Variants in MTRR observed in about 807,000 individuals in gnomAD.
The protein encoded by MTRR is methionine synthase reductase.
Under a neutral mutation model 79.2 loss-of-function variants are expected in MTRR, and 63 were observed. The observed-to-expected ratio is 0.80, with a 90% CI of 0.65 to 0.98. The LOEUF (loss-of-function observed/expected upper bound fraction) is 0.98, where lower values mean the gene tolerates loss of function less well. Ranked by LOEUF, MTRR falls within the 50% of genes least tolerant of loss-of-function variation. MTRR has a pLI of 0.00. For missense variants in MTRR, 895 were observed against 839.6 expected, an observed-to-expected ratio of 1.07 and a Z score of -0.82; for synonymous variants, 355 against 313.3, an observed-to-expected ratio of 1.13 and a Z score of -1.41.
Position 7,889,193 on chromosome 5 carries a change from CT to C in MTRR, c.1248del (p.Phe416LeufsTer126). 1.2e-6 allele frequency: 2 copies of C among 1,613,982 alleles called. No homozygotes were observed. Among genetic ancestry groups the C allele is most frequent in the Non-Finnish European group, 1.7e-6 (2 of 1,180,016 alleles). ...SKQGAADYSR[F>X]VRDACACLLD... ...AACAAGGGGCAGCCGATTATAGCCG[CT>C]TTGTACGAGATGCCTGTGCCTGCTT... On this transcript the variant is annotated frameshift_variant, in exon 9 of 15. Coordinates refer to ENST00000440940, the MANE Select transcript of MTRR (RefSeq NM_002454.3). LOFTEE classifies it high-confidence loss of function.
intron 1 of MTRR, chr5:7,859,547 G>T (rs780840826): frequency 1.9e-6 from 3 of 1,549,176 alleles, no homozygotes; most frequent in South Asian, 2.3e-5. Flanking sequence ...GATCTGTAAA[G>T]GTAGAAAAGT....
intron 11 of MTRR, among the ~76,000 whole-genome samples, chr5:7,893,829 G>A (rs1227242394): frequency 4.6e-5 from 7 of 152,126 alleles, no homozygotes; most frequent in African/African-American, 1.4e-4. Context: ...TGAAATTGCC[G>A]TTTAACTTGA....
At chr5:7,865,674 G>C (rs371226680), upstream of MTRR, among the ~76,000 whole-genome samples, 3 of 152,242 alleles carry the variant, frequency 2.0e-5, no homozygotes, top group African/African-American at 7.2e-5. Context: ...TGCAGCACTT[G>C]ATAAAACCTC....
rs1029626220 is a variant in MTRR, at chr5:7,861,889, G to A, written n.392-62G>A. ...TCAATAACGCTAAACCACAGAATGG[G>A]TTCTGAAGTTATCTGGGGTATGACA... On this transcript the variant is annotated intron_variant and non_coding_transcript_variant, in intron 1 of 3. Transcript: ENST00000502509. The A allele has an allele frequency of 4.0e-5, 27 of 675,874 alleles. No individual in the cohort carries two copies. The Admixed American group carries it at 4.9e-4, about 12-fold the overall frequency. The allele number at this position is 675,874 out of a possible 1,614,324, so 41.9% of individuals were successfully genotyped here.
intron 6 of MTRR, among the ~76,000 whole-genome samples, chr5:7,884,193 A>C (rs1736036196): frequency 6.6e-6 from 1 of 152,026 alleles, no homozygotes; most frequent in Non-Finnish European, 1.5e-5. Context: ...AAGAAATAGA[A>C]CCCAGACAGG....
At chr5:7,857,051 T>C (rs376636459) in intron 1 of MTRR, among the ~76,000 whole-genome samples, 67 of 152,212 alleles carry the variant, frequency 4.4e-4, no homozygotes, top group African/African-American at 1.5e-3. Context: ...CAGCCCAAAG[T>C]CCTGAACTTT....
chr5:7,890,726 AACAT>A (rs1296176055), intron 9 of MTRR, among the ~76,000 whole-genome samples: 1 of 152,222 alleles, frequency 6.6e-6, no homozygotes, highest in Non-Finnish European at 1.5e-5. Flanking sequence ...CTAAAAATAA[AACAT>A]ACCAAAACAT....
intron 5 of MTRR, among the ~76,000 whole-genome samples, chr5:7,880,510 C>A (rs906846967): frequency 6.6e-6 from 1 of 152,166 alleles, no homozygotes; most frequent in Admixed American, 6.5e-5. Flanking sequence ...CAGTGTCATC[C>A]CCCAGGATTT....
At chr5:7,865,923 G>A (rs770430200), upstream of MTRR, 3 of 1,613,956 alleles carry the variant, frequency 1.9e-6, no homozygotes, top group Non-Finnish European at 2.5e-6. Context: ...TTCCAGGACT[G>A]AGGCTAAGAA....
At chr5:7,865,889 T>C (rs1217435319), upstream of MTRR, 2 of 1,609,698 alleles carry the variant, frequency 1.2e-6, no homozygotes, top group African/African-American at 1.3e-5. Flanking sequence ...ATATAGTTCA[T>C]GCTTTTACCT....
intron 1 of MTRR, chr5:7,859,458 T>A: frequency 2.5e-6 from 4 of 1,606,556 alleles, no homozygotes; most frequent in Non-Finnish European, 3.4e-6. Context: ...CAATGAACAG[T>A]GTTTTGAGAA....
At chr5:7,892,696 G>T in intron 10 of MTRR, 31 bp from the exon 11 acceptor site, 1 of 1,610,676 alleles carries the variant, frequency 6.2e-7, no homozygotes, top group South Asian at 1.1e-5. Flanking sequence ...TACTGATATC[G>T]AGTTCAAAAC....
intron 1 of MTRR, chr5:7,859,502 C>T (rs141634132): frequency 1.7e-5 from 27 of 1,605,488 alleles, no homozygotes; most frequent in African/African-American, 1.1e-4. Context: ...CACCAATTCA[C>T]GTCTTGATTT....
chr5:7,898,705 C>T (rs1384471993), intron 14 of MTRR, among the ~76,000 whole-genome samples: 1 of 152,064 alleles, frequency 6.6e-6, no homozygotes, highest in African/African-American at 2.4e-5. Context: ...AGAGGAGAGC[C>T]TCTTGAGACA....
chr5:7,868,928 C>G (rs1747303185), upstream of MTRR: 2 of 651,748 alleles, frequency 3.1e-6, no homozygotes, highest in Non-Finnish European at 5.6e-6. Flanking sequence ...CCGGCCAGGT[C>G]TTTGACACCC....
At chr5:7,894,637 C>G (rs1388943673) in intron 11 of MTRR, among the ~76,000 whole-genome samples, 1 of 152,186 alleles carries the variant, frequency 6.6e-6, no homozygotes, top group Non-Finnish European at 1.5e-5. Flanking sequence ...TAGACATGGG[C>G]CTTCTTTGAC....
intron 8 of MTRR, among the ~76,000 whole-genome samples, chr5:7,887,993 G>C (rs1338237048): frequency 6.6e-6 from 1 of 151,504 alleles, no homozygotes; most frequent in Non-Finnish European, 1.5e-5. Context: ...TCCATAACTT[G>C]CCTTTTTAAC....
chr5:7,872,133 A>G (rs1748093312), intron 2 of MTRR: 1 of 361,810 alleles, frequency 2.8e-6, no homozygotes, highest in African/African-American at 2.1e-5. Flanking sequence ...CATTACTTAT[A>G]CAAACTCTGT....
In MTRR at chr5:7,897,257, T is replaced by C. The variant is rs772471676; in HGVS notation, c.1952+10T>C. On this transcript the variant is annotated intron_variant, in intron 14 of 14. Transcript: ENST00000440940. ...ATATTTATGTGTGTGGGTGAGTCAT[T>C]ATCGTGCCTAAGTCGGGTAGGAGAG... is the stretch of plus-strand genomic sequence containing the variant. 1 of 1,613,918 alleles carries C rather than the reference T, an allele frequency of 6.2e-7. No homozygotes were observed.
Sources: gnomAD v4.1 joint callset for allele counts (sites outside exome capture counted in the v4.1 genomes callset) on GRCh38, gnomAD v4.1.1 for gene constraint, MANE v1.5 for transcripts, NCBI Gene and HGNC (gene_info 2026-07-23, HGNC 2026-07-21) for gene names.